GABRB3: variants seen among roughly 807,000 people sequenced by gnomAD.
GABRB3 encodes gamma-aminobutyric acid receptor subunit beta-3.
A neutral mutation model predicts 52.1 loss-of-function variants in GABRB3; 14 were observed. That is an observed-to-expected ratio of 0.27 (90% confidence interval 0.18 to 0.42). The LOEUF is 0.42. GABRB3 is among the 10% of genes least tolerant of loss of function. The probability of loss-of-function intolerance (pLI) is 1.00; values close to 1 mark genes in which losing one functional copy is unlikely to be tolerated. For synonymous variants in GABRB3, 260 were observed against 232.3 expected (o/e 1.12, Z -1.08); for missense variants, 307 against 609.1 (o/e 0.50, Z 5.22).
intron 3 of GABRB3, among the ~76,000 whole-genome samples, chr15:26,671,254 A>G (rs1206458620): frequency 1.3e-5 from 2 of 152,236 alleles, no homozygotes; most frequent in Non-Finnish European, 2.9e-5. Flanking sequence ...TCCATGATAA[A>G]ATAAATTAGG....
intron 3 of GABRB3, among the ~76,000 whole-genome samples, chr15:26,753,951 A>G (rs1278630871): frequency 1.3e-5 from 2 of 152,140 alleles, no homozygotes; most frequent in Admixed American, 1.3e-4. Flanking sequence ...GAGGACAGAG[A>G]ATGTTCTGGG....
At chr15:26,699,809 A>AT (rs1395133557) in intron 3 of GABRB3, among the ~76,000 whole-genome samples, 16 of 152,214 alleles carry the variant, frequency 1.1e-4, no homozygotes, top group African/African-American at 3.6e-4. Flanking sequence ...TTTGAATTGA[A>AT]TAAAAATGGA....
chr15:26,742,225 G>A (rs1890226486), intron 3 of GABRB3, among the ~76,000 whole-genome samples: 1 of 151,796 alleles, frequency 6.6e-6, no homozygotes, highest in Non-Finnish European at 1.5e-5. Flanking sequence ...TTGCCTCTTG[G>A]GTCCTTCCCA....
intron 3 of GABRB3, among the ~76,000 whole-genome samples, chr15:26,675,431 C>CTG (rs1429974320): frequency 6.6e-6 from 1 of 152,056 alleles, no homozygotes; most frequent in African/African-American, 2.4e-5. Flanking sequence ...CCTTGTGTGT[C>CTG]TGTGTGTGTG....
intron 3 of GABRB3, among the ~76,000 whole-genome samples, chr15:26,641,377 C>T (rs1893196958): frequency 6.6e-6 from 1 of 152,196 alleles, no homozygotes; most frequent in Non-Finnish European, 1.5e-5. Context: ...CCTCACCTCT[C>T]TGGGATGCCT....
intron 4 of GABRB3, among the ~76,000 whole-genome samples, chr15:26,589,503 C>T (rs1158688096): frequency 6.6e-6 from 1 of 152,160 alleles, no homozygotes; most frequent in Non-Finnish European, 1.5e-5. Context: ...ATTAAAATGT[C>T]CATTGCAAGC....
chr15:26,616,124 A>G (rs1892248254), intron 4 of GABRB3: 11 of 1,254,900 alleles, frequency 8.8e-6, no homozygotes, highest in Non-Finnish European at 1.1e-5. Flanking sequence ...CGGGCCTGCC[A>G]TGTCACCATC....
chr15:26,559,896 A>G (rs1889915094), intron 8 of GABRB3, among the ~76,000 whole-genome samples: 1 of 152,206 alleles, frequency 6.6e-6, no homozygotes, highest in Non-Finnish European at 1.5e-5. Context: ...CAGAAAGAGC[A>G]CTGCTCCTGC....
chr15:26,650,722 A>G (rs902495060), intron 3 of GABRB3, among the ~76,000 whole-genome samples: 4 of 151,962 alleles, frequency 2.6e-5, no homozygotes, highest in Non-Finnish European at 4.4e-5. Context: ...TGTGCCCACC[A>G]TTGAGTGGTG....
intron 3 of GABRB3, among the ~76,000 whole-genome samples, chr15:26,652,343 C>G (rs920036631): frequency 1.3e-5 from 2 of 152,164 alleles, no homozygotes; most frequent in African/African-American, 2.4e-5. Context: ...AACTTAACGG[C>G]CTCAGGAGCT....
chr15:26,654,948 T>C (rs1485486154), intron 3 of GABRB3, among the ~76,000 whole-genome samples: 2 of 152,112 alleles, frequency 1.3e-5, no homozygotes, highest in African/African-American at 4.8e-5. Flanking sequence ...TCCTCCCACC[T>C]CACTCTCCCG....
chr15:26,591,533 A>C (rs955310652), intron 4 of GABRB3, among the ~76,000 whole-genome samples: 31 of 152,184 alleles, frequency 2.0e-4, no homozygotes, highest in Non-Finnish European at 2.4e-4. Flanking sequence ...CACGCTACAC[A>C]AAGCCGCAAA....
intron 3 of GABRB3, among the ~76,000 whole-genome samples, chr15:26,648,644 T>A (rs371497257): frequency 6.6e-6 from 1 of 151,924 alleles, no homozygotes; most frequent in African/African-American, 2.4e-5. Flanking sequence ...TGGCAAAAAA[T>A]TTGAGACAAG....
At chr15:26,554,126 TGTATATATATATATAAA>T (rs1160471989) in intron 8 of GABRB3, among the ~76,000 whole-genome samples, 1 of 26,242 alleles carries the variant, frequency 3.8e-5, no homozygotes, top group Non-Finnish European at 7.9e-5. Context: ...AAAGTGTGTG[TGTATATATATATATAAA>T]GTATATATAT....
intron 3 of GABRB3, among the ~76,000 whole-genome samples, chr15:26,694,268 G>A (rs114112972): frequency 2.4e-3 from 367 of 152,140 alleles, no homozygotes; most frequent in African/African-American, 8.2e-3. Context: ...CTCACTTAAC[G>A]GGGAGAAAAA....
chr15:26,612,502 G>C (rs1892108733), intron 4 of GABRB3: 1 of 152,148 alleles, frequency 6.6e-6, no homozygotes, highest in Admixed American at 6.5e-5. Context: ...CCACTTCTAA[G>C]AGCATCACAC....
chr15:26,608,766 G>A (rs548053298), intron 4 of GABRB3, among the ~76,000 whole-genome samples: 1 of 152,202 alleles, frequency 6.6e-6, no homozygotes, highest in South Asian at 2.1e-4. Context: ...TCTAATACCT[G>A]TCAGAATGAC....
chr15:26,555,857 T>C lies in GABRB3; in HGVS notation c.1080+5075A>G, dbSNP rs1010726370. On this transcript the variant is annotated intron_variant, in intron 8 of 8. Coordinates refer to ENST00000311550, the MANE Select transcript of GABRB3 (RefSeq NM_000814.6). ...TTATGGTTTTATGTTTGTATGGTTT[T>C]CATTTAAGCATGAACCAGTATGTAG... is the stretch of plus-strand genomic sequence containing the variant. 2.6e-5 allele frequency among the ~76,000 whole-genome samples: 4 copies of C among 152,222 alleles called. No homozygotes were observed. The East Asian group carries it at 7.7e-4, about 29-fold the overall frequency.
intron 4 of GABRB3, among the ~76,000 whole-genome samples, chr15:26,602,163 G>T (rs985487244): frequency 3.9e-5 from 6 of 152,078 alleles, no homozygotes; most frequent in African/African-American, 1.4e-4. Context: ...AAGAGACAAA[G>T]AAGGTCACTA....
Sources: allele counts gnomAD v4.1 joint callset (sites outside exome capture counted in the v4.1 genomes callset), GRCh38; gene constraint gnomAD v4.1.1; transcripts MANE v1.5; gene names NCBI Gene and HGNC (gene_info 2026-07-23, HGNC 2026-07-21).